MACROD2: variants seen among roughly 807,000 people sequenced by gnomAD.
The protein encoded by MACROD2 is ADP-ribose glycohydrolase MACROD2.
In MACROD2, 36 loss-of-function variants were observed where a neutral mutation model predicts 70.4. That is an observed-to-expected ratio of 0.51 (90% CI 0.39 to 0.68). MACROD2 has a LOEUF of 0.68. Ranked by LOEUF, MACROD2 falls within the 30% of genes least tolerant of loss-of-function variation. The pLI, the probability that MACROD2 is intolerant of heterozygous loss-of-function variation, is 0.00. For missense variants in MACROD2, 496 were observed against 538.4 expected (o/e 0.92, Z 0.78); for synonymous variants, 172 against 178.8 (o/e 0.96, Z 0.30).
intron 4 of MACROD2, chr20:14,626,866 C>T (rs572065582): frequency 6.6e-6 from 1 of 152,284 alleles, no homozygotes; most frequent in South Asian, 2.1e-4. Context: ...TGATTAGGGA[C>T]TCAGTCCCCT....
intron 8 of MACROD2, among the ~76,000 whole-genome samples, chr20:15,727,391 C>A (rs1470627848): frequency 6.6e-6 from 1 of 151,944 alleles, no homozygotes; most frequent in Non-Finnish European, 1.5e-5. Flanking sequence ...CAGCTTTGTT[C>A]TTTTTGCTTA....
intron 8 of MACROD2, among the ~76,000 whole-genome samples, chr20:15,564,997 C>T (rs1476198976): frequency 6.6e-6 from 1 of 152,150 alleles, no homozygotes; most frequent in African/African-American, 2.4e-5. Context: ...GTTTTCCTGG[C>T]AAATGTACTG....
chr20:14,291,517 T>C (rs991155965), intron 3 of MACROD2, among the ~76,000 whole-genome samples: 2 of 151,908 alleles, frequency 1.3e-5, no homozygotes, highest in Non-Finnish European at 2.9e-5. Flanking sequence ...AAGTGCAAGA[T>C]GTGTGGTGAA....
At chr20:15,388,113 G>A (rs1484854003) in intron 6 of MACROD2, among the ~76,000 whole-genome samples, 1 of 152,020 alleles carries the variant, frequency 6.6e-6, no homozygotes, top group Non-Finnish European at 1.5e-5. Flanking sequence ...TAAGACCTCA[G>A]TTGTATCTTA....
At chr20:16,030,650 G>A (rs1282056813) in intron 15 of MACROD2, among the ~76,000 whole-genome samples, 1 of 152,144 alleles carries the variant, frequency 6.6e-6, no homozygotes, top group Non-Finnish European at 1.5e-5. Context: ...TAACTGATCT[G>A]AAATGTAAGA....
intron 5 of MACROD2, among the ~76,000 whole-genome samples, chr20:14,863,757 A>G (rs2073398196): frequency 1.3e-5 from 2 of 152,154 alleles, no homozygotes; most frequent in African/African-American, 2.4e-5. Flanking sequence ...AAGAGGAACT[A>G]TTATTATCTT....
intron 5 of MACROD2, among the ~76,000 whole-genome samples, chr20:14,826,403 A>C (rs1199370278): frequency 1.3e-5 from 2 of 152,102 alleles, no homozygotes; most frequent in Non-Finnish European, 2.9e-5. Flanking sequence ...TTTCTTAGTT[A>C]AAATAATCTT....
At chr20:15,480,074 T>C (rs988207873) in intron 7 of MACROD2, among the ~76,000 whole-genome samples, 4 of 152,102 alleles carry the variant, frequency 2.6e-5, no homozygotes, top group African/African-American at 9.7e-5. Flanking sequence ...CCACAGTAGA[T>C]CCAGAATTTT....
intron 6 of MACROD2, among the ~76,000 whole-genome samples, chr20:15,293,518 C>T (rs1157358149): frequency 6.6e-6 from 1 of 152,170 alleles, no homozygotes; most frequent in Non-Finnish European, 1.5e-5. Context: ...AAAAAAAGAA[C>T]ATGTTGAAGC....
chr20:15,952,204 C>T (rs141619121), intron 12 of MACROD2, among the ~76,000 whole-genome samples: 146 of 152,262 alleles, frequency 9.6e-4, no homozygotes, highest in African/African-American at 3.5e-3. Context: ...GTCCATTAAA[C>T]CTGTTTTTCT....
intron 6 of MACROD2, among the ~76,000 whole-genome samples, chr20:15,360,402 A>T (rs1358615013): frequency 6.6e-6 from 1 of 152,160 alleles, no homozygotes; most frequent in Non-Finnish European, 1.5e-5. Context: ...GATTGCTGTA[A>T]CATATGCAAT....
intron 15 of MACROD2, among the ~76,000 whole-genome samples, chr20:16,021,677 A>G (rs1012799735): frequency 3.9e-5 from 6 of 152,202 alleles, no homozygotes; most frequent in Non-Finnish European, 5.9e-5. Flanking sequence ...TTACCTATCT[A>G]TGAGGTAGGC....
rs1274803596 is a variant in MACROD2 at position 14,440,352 on chromosome 20, A to AT, written c.272-53117dup. Among the ~76,000 whole-genome samples, 1,424 of 151,526 alleles carry AT rather than the reference A, an allele frequency of 9.4e-3. 16 individuals are homozygous for AT. The highest frequency in any genetic ancestry group is 0.031 in the African/African-American group (1,284 of 41,372). On this transcript the variant is annotated intron_variant, in intron 3 of 17. Coordinates refer to ENST00000684519, the MANE Select transcript of MACROD2 (RefSeq NM_001351661.2). ...TAAAACATTATGAGGTTTTTTTGCA[A>AT]TTTTTTTTTTGGTTTTAGCTCATCA... is the stretch of plus-strand genomic sequence containing the variant.
rs187876062 is a variant in MACROD2 at position 14,746,729 on chromosome 20, T to C, written c.418+61770T>C. Among the ~76,000 whole-genome samples, 282 of 152,304 alleles carry C rather than the reference T, an allele frequency of 1.9e-3. 3 individuals carry two copies. Among genetic ancestry groups the C allele is most frequent in the South Asian group, 3.3e-3 (16 of 4,822 alleles). On this transcript the variant is annotated intron_variant, in intron 5 of 17. Coordinates refer to ENST00000684519, the MANE Select transcript of MACROD2 (RefSeq NM_001351661.2). ...TTTTCAAACCATTAACGCATTAATG[T>C]GCTGCTACCTATGTGTCCTGAAAGG... is the stretch of plus-strand genomic sequence containing the variant.
intron 2 of MACROD2, among the ~76,000 whole-genome samples, chr20:14,060,297 C>G (rs1484893056): frequency 1.3e-5 from 2 of 152,130 alleles, no homozygotes; most frequent in African/African-American, 4.8e-5. Flanking sequence ...TCGCCATTTA[C>G]AGATCCATGT....
At chr20:14,988,640 G>A (rs966788211) in intron 5 of MACROD2, among the ~76,000 whole-genome samples, 47 of 152,114 alleles carry the variant, frequency 3.1e-4, no homozygotes, top group African/African-American at 1.1e-3. Flanking sequence ...CTACCTATTT[G>A]CTATATCTGA....
chr20:14,224,570 A>C (rs933091019), intron 3 of MACROD2, among the ~76,000 whole-genome samples: 1 of 152,148 alleles, frequency 6.6e-6, no homozygotes, highest in Non-Finnish European at 1.5e-5. Flanking sequence ...TAGTGTCCTG[A>C]CAATGTCATA....
intron 5 of MACROD2, among the ~76,000 whole-genome samples, chr20:14,868,844 T>C (rs1430136463): frequency 1.3e-5 from 2 of 152,150 alleles, no homozygotes; most frequent in Non-Finnish European, 2.9e-5. Flanking sequence ...TGTATTGCCA[T>C]ATTGAACTGG....
intron 4 of MACROD2, among the ~76,000 whole-genome samples, chr20:14,583,978 T>A (rs1477708329): frequency 1.3e-5 from 2 of 152,082 alleles, no homozygotes; most frequent in Non-Finnish European, 2.9e-5. Context: ...GGCATGAGGG[T>A]GCCCTACTGT....
Sources: gnomAD v4.1 joint callset for allele counts (sites outside exome capture counted in the v4.1 genomes callset) on GRCh38, gnomAD v4.1.1 for gene constraint, MANE v1.5 for transcripts, NCBI Gene and HGNC (gene_info 2026-07-23, HGNC 2026-07-21) for gene names.